MROH7: variants seen among roughly 807,000 people sequenced by gnomAD.
The protein encoded by MROH7 is maestro heat like repeat family member 7, also known as maestro heat-like repeat-containing protein family member 7.
A neutral mutation model predicts 129.2 loss-of-function variants in MROH7; 113 were observed. The ratio of observed to expected loss-of-function variants is 0.87; its 90% CI spans 0.75 to 1.02. The LOEUF (loss-of-function observed/expected upper bound fraction) is 1.02. MROH7 is among the 50% of genes least tolerant of loss of function. The pLI, the probability that MROH7 is intolerant of heterozygous loss-of-function variation, is 0.00. For missense variants in MROH7, 1,601 were observed against 1,671.3 expected (o/e 0.96, Z 0.73); for synonymous variants, 655 against 667.9 (o/e 0.98, Z 0.30).
chr1:54,657,332 G>A (rs576594217), intron 3 of MROH7, among the ~76,000 whole-genome samples: 81 of 151,734 alleles, frequency 5.3e-4, no homozygotes, highest in African/African-American at 1.8e-3. Context: ...TTACAAGCAT[G>A]AGCCACCATG....
intron 17 of MROH7, chr1:54,698,797 CT>C (rs202069655): frequency 0.19 from 26,272 of 141,642 alleles, 2,580 homozygotes; most frequent in South Asian, 0.25. Flanking sequence ...AAGTTTCTTT[CT>C]TTTTTTTTTT....
Position 54,682,794 on chromosome 1 carries a change from G to T in MROH7, c.2520G>T (p.Ala840=). The change falls in exon 14 of 24, where the codon GCG becomes GCT. Residue 840 remains alanine, a splice_region_variant and synonymous_variant. Transcript: ENST00000421030. ...KEGRASIVPL[A]AASGLCELLS... is the part of the protein sequence containing the mutation. Reference sequence around the variant, plus strand: ...GCCGGGCTTCCATCGTGCCCCTGGCGGTGAGCACCCAGTCAGCCAGCCCCT... The same window carrying T: ...GCCGGGCTTCCATCGTGCCCCTGGCTGTGAGCACCCAGTCAGCCAGCCCCT... 1 of 1,610,482 alleles carries T rather than the reference G, an allele frequency of 6.2e-7. No individual in the cohort carries two copies. Among genetic ancestry groups the T allele is most frequent in the Non-Finnish European group, 8.5e-7 (1 of 1,179,462 alleles).
At chr1:54,705,806 T>C (rs972436438) in intron 21 of MROH7, among the ~76,000 whole-genome samples, 3 of 152,146 alleles carry the variant, frequency 2.0e-5, no homozygotes, top group African/African-American at 7.2e-5. Context: ...TAGGCCTTGA[T>C]ACACATAGGT....
At chr1:54,660,908 A>G (rs1644722244) in intron 3 of MROH7, among the ~76,000 whole-genome samples, 1 of 152,130 alleles carries the variant, frequency 6.6e-6, no homozygotes, top group African/African-American at 2.4e-5. Flanking sequence ...TTGTGGTTTT[A>G]ATTTGCATAT....
chr1:54,697,916 T>G, intron 17 of MROH7: 61 of 442,358 alleles, frequency 1.4e-4, no homozygotes, highest in Non-Finnish European at 1.6e-4. Flanking sequence ...ACTCTAGGTT[T>G]AACTTCTCCC....
intron 9 of MROH7, 28 bp from the exon 10 acceptor site, chr1:54,673,988 T>G: frequency 6.2e-7 from 1 of 1,612,250 alleles, no homozygotes; most frequent in Non-Finnish European, 8.5e-7. Context: ...CCTATAACAC[T>G]CAATCCCTAA....
At chr1:54,663,669 C>T (rs144579407) in intron 3 of MROH7, 4,162 of 382,374 alleles carry the variant, frequency 0.011, 49 homozygotes, top group South Asian at 0.022. Context: ...CCACCGTGCC[C>T]GGCCCCCATC....
intron 19 of MROH7, 108 bp from the exon 20 acceptor site, chr1:54,701,982 G>A: frequency 2.0e-6 from 2 of 1,004,106 alleles, no homozygotes; most frequent in South Asian, 2.3e-5. Flanking sequence ...GGAAGAGTCG[G>A]GAGAGTTCCA....
chr1:54,683,790 C>T (rs1645107127), intron 14 of MROH7, among the ~76,000 whole-genome samples: 1 of 152,208 alleles, frequency 6.6e-6, no homozygotes, highest in South Asian at 2.1e-4. Context: ...GAATGCTCTC[C>T]ACCGAGCTAA....
Position 54,700,283 on chromosome 1 carries a change from C to T in MROH7, c.2965-38C>T, listed in dbSNP as rs749677101. On this transcript the variant is annotated intron_variant, in intron 17 of 23. Transcript: ENST00000421030. ...GGGAGGCCAGGGGGCTGCCCTGCCC[C>T]CCTCAGCCTGGGAAGTAATGACCCT... 1.7e-5 allele frequency: 28 copies of T among 1,613,450 alleles called. No individual in the cohort carries two copies. The Middle Eastern group carries it at 4.9e-4, about 28-fold the overall frequency.
intron 5 of MROH7, among the ~76,000 whole-genome samples, chr1:54,669,902 G>A (rs541597062): frequency 6.6e-6 from 1 of 151,958 alleles, no homozygotes; most frequent in East Asian, 1.9e-4. Flanking sequence ...TACTCAGAAG[G>A]CTGAGGCAAG....
Position 54,680,922 on chromosome 1 carries a change from C to T in MROH7, c.2381+877C>T, listed in dbSNP as rs570481191. On this transcript the variant is annotated intron_variant, in intron 13 of 23. Transcript: ENST00000421030. ...AGTCTCCCACTTGGAAGAATTAAAC[C>T]CTTTCTGGCTGTACTCCCCACCAGG... Among the ~76,000 whole-genome samples, 8 of 152,242 alleles carry T rather than the reference C, an allele frequency of 5.3e-5. No individual in the cohort carries two copies. In the South Asian group the frequency reaches 1.7e-3, roughly 32 times the overall value.
chr1:54,707,377 C>T (rs1007734640), intron 22 of MROH7, among the ~76,000 whole-genome samples: 14 of 152,160 alleles, frequency 9.2e-5, no homozygotes, highest in East Asian at 3.9e-4. Flanking sequence ...TTCTTCCGTC[C>T]GATCATTCAT....
intron 1 of MROH7, among the ~76,000 whole-genome samples, chr1:54,647,904 C>CAAAAA (rs35151019): frequency 5.7e-5 from 5 of 87,098 alleles, no homozygotes; most frequent in African/African-American, 9.2e-5. Context: ...GACTCCATCT[C>CAAAAA]AAAAAAAAAA....
chr1:54,685,018 C>CT lies in MROH7; in HGVS notation c.2521-1229dup, dbSNP rs955113302. 1.4e-3 allele frequency among the ~76,000 whole-genome samples: 210 copies of CT among 146,072 alleles called. 2 individuals carry two copies. The highest frequency in any genetic ancestry group is 3.6e-3 in the Middle Eastern group (1 of 274). ...TGCATGGAGTCTTTTTTTTTCTCTCCTTTTTTTTTTTGAGACTGAGTCTTG... is the reference window on the plus strand; with the variant it reads ...TGCATGGAGTCTTTTTTTTTCTCTCCTTTTTTTTTTTTGAGACTGAGTCTTG... On this transcript the variant is annotated intron_variant, in intron 14 of 23. Transcript: ENST00000421030.
intron 18 of MROH7, among the ~76,000 whole-genome samples, 182 bp downstream of exon 18, chr1:54,700,643 T>G (rs374832325): frequency 7.9e-5 from 12 of 152,276 alleles, no homozygotes; most frequent in African/African-American, 2.2e-4. Context: ...TTATTCCTTT[T>G]GAATAGTTTC....
rs759465914 is a variant in MROH7, at chr1:54,670,448, G to A, written c.1390-49G>A. The A allele has an allele frequency of 1.2e-5, 19 of 1,556,698 alleles. 1 individual carries two copies. The highest frequency in any genetic ancestry group is 1.6e-5 in the Non-Finnish European group (18 of 1,134,490). On this transcript the variant is annotated intron_variant, in intron 5 of 23. Coordinates refer to ENST00000421030, the MANE Select transcript of MROH7 (RefSeq NM_001039464.4). ...GACGGGGGCAGCCTTGGCCCTGGTG[G>A]CCTGCAGTAGCCCTGTCCTCATCGG...
intron 10 of MROH7, among the ~76,000 whole-genome samples, chr1:54,676,534 C>A (rs576902770): frequency 6.6e-6 from 1 of 151,418 alleles, no homozygotes; most frequent in Non-Finnish European, 1.5e-5. Context: ...CTCAGCCTCC[C>A]GAGTAGCTGG....
At chr1:54,666,923 A>G (rs985882205) in intron 4 of MROH7, among the ~76,000 whole-genome samples, 5 of 152,208 alleles carry the variant, frequency 3.3e-5, no homozygotes, top group African/African-American at 9.7e-5. Context: ...AGGCAAATCA[A>G]GGAACTTTGA....
Sources: gnomAD v4.1 joint callset for allele counts (sites outside exome capture counted in the v4.1 genomes callset) on GRCh38, gnomAD v4.1.1 for gene constraint, MANE v1.5 for transcripts, NCBI Gene and HGNC (gene_info 2026-07-23, HGNC 2026-07-21) for gene names.